Variants in RBFOX1 observed in about 807,000 individuals in gnomAD.
RBFOX1 encodes the protein RNA binding protein fox-1 homolog 1.
In RBFOX1, 8 loss-of-function variants were observed where a neutral mutation model predicts 57.7. That is an observed-to-expected ratio of 0.14 (90% CI 0.08 to 0.25). The LOEUF (loss-of-function observed/expected upper bound fraction) is 0.25. RBFOX1 is among the 10% of genes least tolerant of loss of function. The probability of loss-of-function intolerance (pLI) is 1.00; values close to 1 mark genes in which losing one functional copy is unlikely to be tolerated. For missense variants in RBFOX1, 611 were observed against 548.5 expected, an observed-to-expected ratio of 1.11 and a Z score of -1.14; for synonymous variants, 326 against 222.4, an observed-to-expected ratio of 1.47 and a Z score of -4.15.
intron 1 of RBFOX1, among the ~76,000 whole-genome samples, chr16:5,321,141 T>G (rs2064391593): frequency 6.6e-6 from 1 of 152,148 alleles, no homozygotes; most frequent in Non-Finnish European, 1.5e-5. Context: ...CTATAGACAT[T>G]CAGGTCCTGG....
intron 2 of RBFOX1, among the ~76,000 whole-genome samples, chr16:5,553,044 A>G (rs923088072): frequency 9.9e-5 from 15 of 152,114 alleles, no homozygotes; most frequent in Non-Finnish European, 2.1e-4. Context: ...AGAAAACAAA[A>G]CACCGCATGT....
chr16:6,021,304 G>A (rs2152352468), intron 1 of RBFOX1, among the ~76,000 whole-genome samples: 1 of 152,168 alleles, frequency 6.6e-6, no homozygotes, highest in East Asian at 1.9e-4. Context: ...CCTGCCCCCT[G>A]TCCTAGTTCA....
chr16:5,479,462 G>T (rs1442500279), intron 2 of RBFOX1, among the ~76,000 whole-genome samples: 1 of 152,144 alleles, frequency 6.6e-6, no homozygotes, highest in Non-Finnish European at 1.5e-5. Context: ...TGTTTCCTTA[G>T]AATTATTTCT....
At chr16:6,162,692 A>G (rs567010798) in intron 1 of RBFOX1, among the ~76,000 whole-genome samples, 3 of 152,248 alleles carry the variant, frequency 2.0e-5, no homozygotes, top group African/African-American at 7.2e-5. Context: ...ATGTTGGTAA[A>G]CCACACATGG....
intron 2 of RBFOX1, among the ~76,000 whole-genome samples, chr16:6,610,659 C>G (rs964950877): frequency 6.6e-6 from 1 of 152,178 alleles, no homozygotes; most frequent in East Asian, 1.9e-4. Flanking sequence ...TATACATTAA[C>G]TCAGGTGAGC....
At chr16:6,205,863 C>CTTTTTTTTT (rs34261182) in intron 1 of RBFOX1, among the ~76,000 whole-genome samples, 5 of 97,886 alleles carry the variant, frequency 5.1e-5, no homozygotes, top group Admixed American at 1.5e-4. Flanking sequence ...CGAGATCATA[C>CTTTTTTTTT]TTTTTTTTTT....
Position 7,642,490 on chromosome 16 carries a change from C to T in RBFOX1, c.758-11325C>T, listed in dbSNP as rs1044776721. On this transcript the variant is annotated intron_variant, in intron 11 of 15. Transcript: ENST00000550418. ...CTGAAGGCTTCATGTTCAGGAGCTG[C>T]GTCAGCCCAAGAGAACCTTGGGAAA... Among the ~76,000 whole-genome samples the T allele has an allele frequency of 5.3e-5, 8 of 152,196 alleles. No homozygotes were observed. The South Asian group carries it at 6.2e-4, about 12-fold the overall frequency.
chr16:6,307,353 G>C (rs2079637401), intron 1 of RBFOX1, among the ~76,000 whole-genome samples: 1 of 151,832 alleles, frequency 6.6e-6, no homozygotes. Flanking sequence ...CTGCACTCTA[G>C]CCTGGGTGAC....
intron 2 of RBFOX1, among the ~76,000 whole-genome samples, chr16:6,563,806 A>T (rs1381460679): frequency 6.6e-6 from 1 of 151,802 alleles, no homozygotes; most frequent in African/African-American, 2.4e-5. Flanking sequence ...AGTCTAGGAG[A>T]CACAGTGGGA....
At chr16:6,457,420 A>T (rs2153056897) in intron 2 of RBFOX1, among the ~76,000 whole-genome samples, 1 of 128,154 alleles carries the variant, frequency 7.8e-6, no homozygotes, top group East Asian at 2.6e-4. Context: ...TTTTCTGGTG[A>T]CTGTGAATTT....
At chr16:5,924,340 A>T (rs765508926) in intron 4 of RBFOX1, among the ~76,000 whole-genome samples, 68 of 152,146 alleles carry the variant, frequency 4.5e-4, no homozygotes, top group Non-Finnish European at 8.1e-4. Context: ...TCATGTTAAA[A>T]TTTGATTGCT....
At chr16:7,165,204 C>T (rs891301204) in intron 4 of RBFOX1, among the ~76,000 whole-genome samples, 3 of 152,108 alleles carry the variant, frequency 2.0e-5, no homozygotes, top group Non-Finnish European at 2.9e-5. Flanking sequence ...AAGACAGTCT[C>T]TATCTCTGCC....
At chr16:6,776,490 T>C (rs1243439151) in intron 3 of RBFOX1, among the ~76,000 whole-genome samples, 1 of 152,128 alleles carries the variant, frequency 6.6e-6, no homozygotes, top group Admixed American at 6.5e-5. Context: ...TTCTTTAAAG[T>C]GCATACAATT....
intron 4 of RBFOX1, among the ~76,000 whole-genome samples, chr16:7,266,520 A>G (rs778507310): frequency 2.8e-4 from 43 of 152,196 alleles, no homozygotes; most frequent in Admixed American, 1.1e-3. Flanking sequence ...CTTTACAGCA[A>G]TGCAAGAACA....
At chr16:7,132,746 G>T (rs1210005801) in intron 4 of RBFOX1, among the ~76,000 whole-genome samples, 2 of 152,010 alleles carry the variant, frequency 1.3e-5, no homozygotes, top group African/African-American at 4.8e-5. Flanking sequence ...GACAAATACT[G>T]CATGATTTCA....
chr16:7,303,658 A>G (rs1370130616), intron 4 of RBFOX1, among the ~76,000 whole-genome samples: 1 of 152,166 alleles, frequency 6.6e-6, no homozygotes, highest in East Asian at 1.9e-4. Flanking sequence ...CATTTGACAA[A>G]TGAGGAGACA....
At chr16:6,354,371 G>T (rs1046356906) in intron 2 of RBFOX1, among the ~76,000 whole-genome samples, 7 of 152,066 alleles carry the variant, frequency 4.6e-5, no homozygotes, top group Non-Finnish European at 8.8e-5. Context: ...CCCTATCTTC[G>T]TTTCTTTGTC....
intron 3 of RBFOX1, among the ~76,000 whole-genome samples, chr16:7,031,519 C>T (rs760109155): frequency 1.3e-5 from 2 of 151,858 alleles, no homozygotes; most frequent in Admixed American, 1.3e-4. Context: ...TCACTTGAAC[C>T]CGTAAGGTGG....
At chr16:5,728,577 C>T (rs561226434) in intron 3 of RBFOX1, among the ~76,000 whole-genome samples, 158 of 152,170 alleles carry the variant, frequency 1.0e-3, no homozygotes, top group African/African-American at 3.7e-3. Flanking sequence ...GGCGGGAACA[C>T]CATTCTCTGA....
Sources: gnomAD v4.1 joint callset for allele counts (sites outside exome capture counted in the v4.1 genomes callset) on GRCh38, gnomAD v4.1.1 for gene constraint, MANE v1.5 for transcripts, NCBI Gene and HGNC (gene_info 2026-07-23, HGNC 2026-07-21) for gene names.